The following ANKRD13C variants were observed in gnomAD, a reference collection of about 807,000 sequenced individuals.
ANKRD13C encodes the protein ankyrin repeat domain-containing protein 13C.
ANKRD13C carries 16 observed loss-of-function variants against 65.5 expected under a neutral mutation model. The ratio of observed to expected loss-of-function variants is 0.24; its 90% CI spans 0.17 to 0.37. ANKRD13C has a LOEUF of 0.37. Ranked by LOEUF, ANKRD13C falls within the 10% of genes least tolerant of loss-of-function variation. ANKRD13C has a pLI of 1.00. For missense variants in ANKRD13C, 503 were observed against 655.9 expected (o/e 0.77, Z 2.55); for synonymous variants, 235 against 238.7 (o/e 0.98, Z 0.14).
At chr1:70,292,272 A>G in intron 9 of ANKRD13C, 116 bp downstream of exon 9, 1 of 708,988 alleles carries the variant, frequency 1.4e-6, no homozygotes, top group Non-Finnish European at 2.1e-6. Context: ...GAAAAAGGTA[A>G]CACACAGTAA....
chr1:70,325,463 T>A (rs761707906), intron 2 of ANKRD13C, among the ~76,000 whole-genome samples: 1 of 152,234 alleles, frequency 6.6e-6, no homozygotes, highest in African/African-American at 2.4e-5. Flanking sequence ...GGAAAAATGT[T>A]CAGAAAAAGG....
intron 5 of ANKRD13C, among the ~76,000 whole-genome samples, chr1:70,309,097 C>A (rs1680723598): frequency 6.7e-6 from 1 of 150,122 alleles, no homozygotes; most frequent in South Asian, 2.1e-4. Flanking sequence ...GGCTGGAATG[C>A]AGTGCCGCAA....
rs905436876 is a variant in ANKRD13C, at chr1:70,260,318, A to G, written c.*2399T>C. ...AATTATTTTCTCAAAGATGGAAACC[A>G]TATCTTCTCTGGATACCATACCAGT... On this transcript the variant is annotated 3_prime_UTR_variant, in exon 13 of 13. Coordinates refer to ENST00000370944, the MANE Select transcript of ANKRD13C (RefSeq NM_030816.5). 5.3e-5 allele frequency among the ~76,000 whole-genome samples: 8 copies of G among 152,192 alleles called. No homozygotes were observed. Among genetic ancestry groups the G allele is most frequent in the Non-Finnish European group, 1.5e-5 (1 of 67,988 alleles).
In ANKRD13C at chr1:70,354,156, C is replaced by G; in HGVS notation, c.253G>C (p.Val85Leu). ...APALPLHNSS[V>L]TANSQSPALL... is the part of the protein sequence containing the mutation. Reference sequence around the variant, plus strand: ...GCCGGGGACTGGGAGTTGGCAGTCACGGAGGAATTGTGCAGCGGCAGAGCC... The same window carrying G: ...GCCGGGGACTGGGAGTTGGCAGTCAGGGAGGAATTGTGCAGCGGCAGAGCC... Residue 85 changes from valine to leucine, a missense_variant, in exon 1 of 13, where the codon GTG (valine) becomes CTG (leucine). Val to Leu is a conservative substitution (Grantham distance 32, BLOSUM62 1). Around this residue, in one of 2 missense-constraint regions of ANKRD13C, gnomAD observed 203 missense variants for 177.6 expected, o/e 1.14. Coordinates refer to ENST00000370944, the MANE Select transcript of ANKRD13C (RefSeq NM_030816.5). The G allele has an allele frequency of 6.2e-7, 1 of 1,614,098 alleles. No homozygotes were observed. Among genetic ancestry groups the G allele is most frequent in the Non-Finnish European group, 8.5e-7 (1 of 1,179,994 alleles).
At chr1:70,327,700 G>T (rs1415877814) in intron 2 of ANKRD13C, among the ~76,000 whole-genome samples, 2 of 152,196 alleles carry the variant, frequency 1.3e-5, no homozygotes, top group East Asian at 3.8e-4. Context: ...TCTTAGAGGT[G>T]CATGCTGAAG....
At chr1:70,285,922 CT>C (rs1442324295) in intron 9 of ANKRD13C, among the ~76,000 whole-genome samples, 1 of 152,068 alleles carries the variant, frequency 6.6e-6, no homozygotes, top group African/African-American at 2.4e-5. Flanking sequence ...TCTTAAAAAG[CT>C]TATTGTGCAG....
chr1:70,342,481 T>G (rs1196469840), intron 1 of ANKRD13C, among the ~76,000 whole-genome samples: 1 of 152,102 alleles, frequency 6.6e-6, no homozygotes, highest in African/African-American at 2.4e-5. Flanking sequence ...GAAGTTGCAG[T>G]GAGCTGAGAT....
chr1:70,306,169 A>C (rs1680580246), intron 6 of ANKRD13C, 55 bp downstream of exon 6: 1 of 1,301,092 alleles, frequency 7.7e-7, no homozygotes, highest in South Asian at 1.6e-5. Context: ...AGGGAAAAAA[A>C]TCTTCCTCTA....
At chr1:70,344,069 G>A (rs952552662) in intron 1 of ANKRD13C, among the ~76,000 whole-genome samples, 1 of 151,952 alleles carries the variant, frequency 6.6e-6, no homozygotes, top group African/African-American at 2.4e-5. Flanking sequence ...AGGCCGAGGC[G>A]GATAGATCAC....
intron 12 of ANKRD13C, among the ~76,000 whole-genome samples, chr1:70,268,181 C>A (rs959856133): frequency 3.9e-5 from 6 of 152,022 alleles, no homozygotes; most frequent in Admixed American, 2.0e-4. Context: ...TCCCCGCCCC[C>A]ACCTTGAGAC....
At chr1:70,338,730 C>A (rs2101601071) in intron 1 of ANKRD13C, among the ~76,000 whole-genome samples, 1 of 152,232 alleles carries the variant, frequency 6.6e-6, no homozygotes, top group Non-Finnish European at 1.5e-5. Context: ...CAGTTATACA[C>A]TGATAGATTA....
At chr1:70,297,286 G>GGTTTTTTTTTTTTTT (rs1558281019) in intron 7 of ANKRD13C, among the ~76,000 whole-genome samples, 8 of 125,116 alleles carry the variant, frequency 6.4e-5, no homozygotes, top group African/African-American at 1.8e-4. Flanking sequence ...GTCCCTTTCT[G>GGTTTTTTTTTTTTTT]ATTTTTTTTT....
At chr1:70,324,380 G>A (rs557957650) in intron 3 of ANKRD13C, among the ~76,000 whole-genome samples, 1 of 152,282 alleles carries the variant, frequency 6.6e-6, no homozygotes, top group East Asian at 1.9e-4. Flanking sequence ...AAAAGAATAT[G>A]ACATGTTTTG....
intron 3 of ANKRD13C, among the ~76,000 whole-genome samples, chr1:70,318,941 A>G (rs1681188866): frequency 6.6e-6 from 1 of 152,090 alleles, no homozygotes; most frequent in Admixed American, 6.6e-5. Context: ...TCAGCCTCCC[A>G]AAGTTCTGGG....
At chr1:70,302,474 C>T (rs907343417) in intron 6 of ANKRD13C, among the ~76,000 whole-genome samples, 3 of 110,670 alleles carry the variant, frequency 2.7e-5, no homozygotes, top group African/African-American at 1.2e-4. Flanking sequence ...CGCCTGTAAT[C>T]CCAGCACTTT....
intron 12 of ANKRD13C, among the ~76,000 whole-genome samples, chr1:70,270,124 G>A (rs557470553): frequency 3.9e-5 from 6 of 152,092 alleles, no homozygotes; most frequent in Non-Finnish European, 7.4e-5. Context: ...AAAATAAAAC[G>A]TATGAGTATT....
intron 6 of ANKRD13C, among the ~76,000 whole-genome samples, chr1:70,301,384 T>C (rs1383839057): frequency 6.6e-6 from 1 of 152,132 alleles, no homozygotes; most frequent in Non-Finnish European, 1.5e-5. Context: ...CATTATTCGA[T>C]CCCTTTAAGA....
chr1:70,285,149 C>T (rs1679560129), intron 9 of ANKRD13C, among the ~76,000 whole-genome samples: 1 of 151,020 alleles, frequency 6.6e-6, no homozygotes, highest in South Asian at 2.1e-4. Flanking sequence ...TCAGCTGTGA[C>T]CTTGAAAGCA....
In ANKRD13C at chr1:70,300,864, C is replaced by G; in HGVS notation, c.821G>C (p.Arg274Pro). 10 of 1,613,612 alleles carry G rather than the reference C, an allele frequency of 6.2e-6. No homozygotes were observed. The highest frequency in any genetic ancestry group is 8.5e-6 in the Non-Finnish European group (10 of 1,179,814). ...LIDFTDMKCQ[R>P]GDLSFIFNGD... ...ATTGAAAATGAAGCTTAGATCCCCTCGTTGGCACTTCATGTCAGTAAAGTC... is the reference window on the plus strand; with the variant it reads ...ATTGAAAATGAAGCTTAGATCCCCTGGTTGGCACTTCATGTCAGTAAAGTC... The change falls in exon 7 of 13, where the codon CGA (arginine) becomes CCA (proline). Residue 274 changes from arginine to proline, a missense_variant. Physicochemically the swap from Arg to Pro is moderately radical, Grantham distance 103. Transcript: ENST00000370944.
Sources: allele counts gnomAD v4.1 joint callset (sites outside exome capture counted in the v4.1 genomes callset), GRCh38; gene constraint gnomAD v4.1.1; regional missense constraint gnomAD v4.1.1; transcripts MANE v1.5; gene names NCBI Gene and HGNC (gene_info 2026-07-23, HGNC 2026-07-21).